The following BICC1 variants were observed in gnomAD, a reference collection of about 807,000 sequenced individuals.
BICC1 encodes BicC family RNA binding protein 1, also known as protein bicaudal C homolog 1.
Under a neutral mutation model 111.0 loss-of-function variants are expected in BICC1, and 43 were observed. That is an observed-to-expected ratio of 0.39 (90% CI 0.30 to 0.50). The LOEUF (loss-of-function observed/expected upper bound fraction) is 0.50. Ranked by LOEUF, BICC1 falls within the 20% of genes least tolerant of loss-of-function variation. The probability of loss-of-function intolerance (pLI) is 0.88; values close to 1 mark genes in which losing one functional copy is unlikely to be tolerated. For synonymous variants in BICC1, 467 were observed against 434.4 expected (o/e 1.07, Z -0.93); for missense variants, 1,091 against 1,203.2 (o/e 0.91, Z 1.38).
intron 20 of BICC1, chr10:58,824,110 C>T (rs545780733): frequency 2.0e-6 from 2 of 983,628 alleles, no homozygotes; most frequent in Admixed American, 1.2e-4. Context: ...TTGGAACTAT[C>T]GATTTCTCAG....
At chr10:58,630,841 G>A (rs1487317992) in intron 2 of BICC1, among the ~76,000 whole-genome samples, 1 of 152,136 alleles carries the variant, frequency 6.6e-6, no homozygotes, top group East Asian at 1.9e-4. Flanking sequence ...TAAAGGAGCA[G>A]TGCTCTTTAT....
At chr10:58,547,669 C>CATGT (rs967424036) in intron 1 of BICC1, among the ~76,000 whole-genome samples, 3 of 140,964 alleles carry the variant, frequency 2.1e-5, no homozygotes, top group Admixed American at 7.9e-5. Context: ...TACATGCATG[C>CATGT]ATGTATGTAT....
rs74850861 is a variant in BICC1 at position 58,613,400 on chromosome 10, C to T, written c.191-7455C>T. 2.8e-4 allele frequency among the ~76,000 whole-genome samples: 42 copies of T among 152,212 alleles called. No homozygotes were observed. In the East Asian group the frequency reaches 7.5e-3, roughly 27 times the overall value. On this transcript the variant is annotated intron_variant, in intron 1 of 20. Transcript: ENST00000373886. ...ATCAGTGTCTAAGATTGCAAAGACT[C>T]AATAGAAGTATTTTACCACAGAGTG...
Position 58,784,983 on chromosome 10 carries a change from T to C in BICC1, c.308-18T>C. 1.4e-6 allele frequency: 2 copies of C among 1,455,442 alleles called. No homozygotes were observed. Among genetic ancestry groups the C allele is most frequent in the Non-Finnish European group, 1.9e-6 (2 of 1,057,578 alleles). 90.2% of individuals were successfully genotyped at this position (1,455,442 alleles called of 1,614,324 possible). ...GAGTTTGGGAGTTTCACACAAGCCT[T>C]TTATTTCTTTCTTATAGATCCCCAT... On this transcript the variant is annotated intron_variant, in intron 3 of 20. Coordinates refer to ENST00000373886, the MANE Select transcript of BICC1 (RefSeq NM_001080512.3).
chr10:58,685,692 C>T (rs1475428652), intron 2 of BICC1, among the ~76,000 whole-genome samples: 3 of 152,112 alleles, frequency 2.0e-5, no homozygotes, highest in Non-Finnish European at 4.4e-5. Flanking sequence ...ATTGCAACCC[C>T]TGCTTTTTTT....
At chr10:58,549,014 G>A (rs1015453972) in intron 1 of BICC1, among the ~76,000 whole-genome samples, 6 of 151,766 alleles carry the variant, frequency 4.0e-5, no homozygotes, top group African/African-American at 9.7e-5. Context: ...CCTGGCCAAC[G>A]TTTATATTTT....
intron 18 of BICC1, among the ~76,000 whole-genome samples, chr10:58,816,124 A>AAG (rs1263196700): frequency 6.6e-6 from 1 of 152,166 alleles, no homozygotes; most frequent in African/African-American, 2.4e-5. Flanking sequence ...TCGAAAAAAA[A>AAG]AGTAAATCTA....
intron 2 of BICC1, among the ~76,000 whole-genome samples, chr10:58,637,882 GA>G (rs563477763): frequency 3.3e-5 from 5 of 152,154 alleles, no homozygotes; most frequent in Non-Finnish European, 7.3e-5. Context: ...TAAGCACTGT[GA>G]TAGCCAGGGG....
At chr10:58,608,621 A>G (rs1437576711) in intron 1 of BICC1, among the ~76,000 whole-genome samples, 1 of 152,182 alleles carries the variant, frequency 6.6e-6, no homozygotes, top group South Asian at 2.1e-4. Context: ...TTTTTATTAC[A>G]CAACTATACG....
intron 18 of BICC1, among the ~76,000 whole-genome samples, chr10:58,815,479 T>C (rs559958933): frequency 6.6e-6 from 1 of 152,296 alleles, no homozygotes; most frequent in South Asian, 2.1e-4. Context: ...GATACATTCA[T>C]TTGGTGCTTC....
intron 3 of BICC1, among the ~76,000 whole-genome samples, chr10:58,742,603 A>G (rs1280570128): frequency 6.6e-6 from 1 of 151,686 alleles, no homozygotes; most frequent in Non-Finnish European, 1.5e-5. Context: ...ATGCCTGGGT[A>G]ATTTTTGTAT....
intron 3 of BICC1, among the ~76,000 whole-genome samples, chr10:58,763,057 G>GAA (rs11396319): frequency 4.6e-5 from 7 of 151,684 alleles, no homozygotes; most frequent in South Asian, 2.1e-4. Flanking sequence ...GGAAATATAG[G>GAA]AAAAAAAACA....
intron 2 of BICC1, among the ~76,000 whole-genome samples, chr10:58,693,528 T>G (rs924160234): frequency 6.6e-6 from 1 of 152,204 alleles, no homozygotes; most frequent in Non-Finnish European, 1.5e-5. Flanking sequence ...ACCTGTTGTT[T>G]CCTGACTTCT....
intron 1 of BICC1, among the ~76,000 whole-genome samples, chr10:58,562,390 TC>T (rs1843630339): frequency 6.6e-6 from 1 of 152,128 alleles, no homozygotes; most frequent in African/African-American, 2.4e-5. Flanking sequence ...TTCTGCTTGA[TC>T]TAGTCTATTG....
intron 19 of BICC1, 22 bp from the exon 20 acceptor site, chr10:58,820,347 A>C: frequency 1.3e-6 from 2 of 1,515,146 alleles, no homozygotes; most frequent in Non-Finnish European, 1.8e-6. Context: ...CATTGGTTAT[A>C]GATTGACCTT....
chr10:58,648,430 C>T lies in BICC1; in HGVS notation c.237+27529C>T, dbSNP rs538604399. 108 of 839,932 alleles carry T rather than the reference C, an allele frequency of 1.3e-4. No homozygotes were observed. The Middle Eastern group carries it at 4.3e-3, about 33-fold the overall frequency. The allele number at this position is 839,932 out of a possible 1,614,324, so 52.0% of individuals were successfully genotyped here. ...TGCCAGAGAGGCTTTTGAATCTAAG[C>T]CAAAAAAGGCATTTATTATACACAG... On this transcript the variant is annotated intron_variant, in intron 2 of 20. Transcript: ENST00000373886.
intron 2 of BICC1, chr10:58,648,776 C>A: frequency 2.0e-6 from 1 of 512,788 alleles, no homozygotes; most frequent in Non-Finnish European, 2.5e-6. Context: ...GATCACTCTG[C>A]TTTTCTCTTT....
intron 1 of BICC1, among the ~76,000 whole-genome samples, chr10:58,539,351 C>T (rs1294766853): frequency 6.6e-6 from 1 of 151,486 alleles, no homozygotes; most frequent in Non-Finnish European, 1.5e-5. Context: ...TATGCAAGGG[C>T]ATACAGAGTG....
chr10:58,721,198 T>C (rs2393497), intron 3 of BICC1, among the ~76,000 whole-genome samples: 151,804 of 152,276 alleles, frequency 1, 75,668 homozygotes, highest in Middle Eastern at 1. Context: ...CTAGGGACAT[T>C]GACCCCCAGC....
Sources: gnomAD v4.1 joint callset for allele counts (sites outside exome capture counted in the v4.1 genomes callset) on GRCh38, gnomAD v4.1.1 for gene constraint, MANE v1.5 for transcripts, NCBI Gene and HGNC (gene_info 2026-07-23, HGNC 2026-07-21) for gene names.